Variants in LARP1B observed in about 807,000 individuals in gnomAD.
LARP1B encodes the protein la-related protein 1B.
In LARP1B, 76 loss-of-function variants were observed where a neutral mutation model predicts 114.2. The observed-to-expected ratio is 0.67, with a 90% CI of 0.55 to 0.81. LARP1B has a LOEUF of 0.81. LARP1B is among the 30% of genes least tolerant of loss of function. LARP1B has a pLI of 0.00. For synonymous variants in LARP1B, 345 were observed against 348.0 expected (o/e 0.99, Z 0.10); for missense variants, 1,014 against 1,075.8 (o/e 0.94, Z 0.80).
At chr4:128,098,486 A>T (rs919325729) in intron 8 of LARP1B, among the ~76,000 whole-genome samples, 156 bp downstream of exon 8, 1 of 151,874 alleles carries the variant, frequency 6.6e-6, no homozygotes, top group Admixed American at 6.6e-5. Context: ...TAAAACCTTC[A>T]TAAATGTCTA....
rs142360155 is a variant in LARP1B, at chr4:128,122,082, G to A, written c.1418G>A (p.Arg473Gln). ...GGDRTGTHMS[R>Q]AKITSELAKV... ...GATCGAACAGGCACCCACATGTCTC[G>A]GGCAAAAATCACATCTGAACTTGCT... is the stretch of plus-strand genomic sequence containing the variant. The change falls in exon 11 of 20, where the codon CGG (arginine) becomes CAG (glutamine). Residue 473 changes from arginine to glutamine, a missense_variant. Coordinates refer to ENST00000326639, the MANE Select transcript of LARP1B (RefSeq NM_018078.4). 6 of 1,613,874 alleles carry A rather than the reference G, an allele frequency of 3.7e-6. No homozygotes were observed. Among genetic ancestry groups the A allele is most frequent in the South Asian group, 1.1e-5 (1 of 91,050 alleles).
In LARP1B at chr4:128,211,558, A is replaced by G. The variant is rs549304086; in HGVS notation, c.*1505A>G. ...TCAAATTTGAATATTCAGAAAATAA[A>G]TTTATTTAGATATATTGTAAAGAGG... is the stretch of plus-strand genomic sequence containing the variant. On this transcript the variant is annotated 3_prime_UTR_variant, in exon 20 of 20. Transcript: ENST00000326639. 2.2e-6 allele frequency: 2 copies of G among 926,302 alleles called. No homozygotes were observed. Among genetic ancestry groups the G allele is most frequent in the Admixed American group, 1.2e-4 (2 of 16,198 alleles). The allele number at this position is 926,302 out of a possible 1,614,324, so 57.4% of individuals were successfully genotyped here. A position where few individuals can be genotyped will look rare whatever the true frequency, so the allele number is the denominator to read the frequency against.
At chr4:128,077,612 T>C (rs1453692618) in intron 3 of LARP1B, among the ~76,000 whole-genome samples, 176 bp from the exon 4 acceptor site, 2 of 151,096 alleles carry the variant, frequency 1.3e-5, no homozygotes, top group Non-Finnish European at 3.0e-5. Context: ...TAGCAAATAC[T>C]TTCTCCTAGT....
At chr4:128,204,507 TAGCC>T (rs1047660863) in intron 17 of LARP1B, among the ~76,000 whole-genome samples, 2 of 151,468 alleles carry the variant, frequency 1.3e-5, no homozygotes, top group African/African-American at 4.9e-5. Context: ...ATACAAAAAT[TAGCC>T]AGACGTGGTG....
intron 17 of LARP1B, among the ~76,000 whole-genome samples, chr4:128,206,009 G>A (rs974718013): frequency 9.9e-5 from 15 of 152,098 alleles, no homozygotes; most frequent in Admixed American, 8.5e-4. Flanking sequence ...TCTGCATACC[G>A]GCCGGGCGCA....
intron 11 of LARP1B, chr4:128,155,613 C>T (rs1420708546): frequency 6.0e-6 from 7 of 1,168,836 alleles, no homozygotes; most frequent in Admixed American, 5.1e-5. Flanking sequence ...AGTCCAGCCC[C>T]CTACAACCCC....
rs80152930 is a variant in LARP1B at position 128,072,435 on chromosome 4, G to A, written c.-77-2025G>A. 1.1e-3 allele frequency among the ~76,000 whole-genome samples: 173 copies of A among 152,200 alleles called. 2 individuals are homozygous for A. In the East Asian group the frequency reaches 0.03, roughly 27 times the overall value. The stretch of plus-strand genomic sequence containing the variant: ...TAAATTTAAAACAATTTCCTCAACT[G>A]GCTTGCTATTTCAGTCTTAGGTGTT... On this transcript the variant is annotated intron_variant, in intron 1 of 19. Coordinates refer to ENST00000326639, the MANE Select transcript of LARP1B (RefSeq NM_018078.4).
chr4:128,119,899 C>G (rs543530168), intron 10 of LARP1B, among the ~76,000 whole-genome samples: 1 of 152,050 alleles, frequency 6.6e-6, no homozygotes, highest in Non-Finnish European at 1.5e-5. Context: ...ATCTTCAACC[C>G]CTAATCTCTT....
chr4:128,205,127 T>A (rs1459788250), intron 17 of LARP1B, among the ~76,000 whole-genome samples: 4 of 152,240 alleles, frequency 2.6e-5, no homozygotes, highest in Admixed American at 2.6e-4. Flanking sequence ...CAGGTTGCTG[T>A]ATAAGTGTGT....
intron 15 of LARP1B, among the ~76,000 whole-genome samples, chr4:128,197,571 G>A (rs908866198): frequency 6.6e-6 from 1 of 152,088 alleles, no homozygotes; most frequent in Admixed American, 6.6e-5. Flanking sequence ...GCAGGTGCCT[G>A]TAGTCCCAGC....
At chr4:128,083,349 G>T (rs975810974) in intron 5 of LARP1B, among the ~76,000 whole-genome samples, 33 of 152,188 alleles carry the variant, frequency 2.2e-4, no homozygotes, top group Admixed American at 1.7e-3. Flanking sequence ...CCCAGACGGG[G>T]TGGTGGCCGG....
chr4:128,065,348 T>C (rs1261670860), intron 1 of LARP1B, among the ~76,000 whole-genome samples: 4 of 143,076 alleles, frequency 2.8e-5, no homozygotes, highest in African/African-American at 8.0e-5. Context: ...TTCTTTTCTT[T>C]TCTTTTCTTT....
chr4:128,222,456 G>A (rs867210085), exon 8 of LARP1B: 6 of 437,674 alleles, frequency 1.4e-5, no homozygotes, highest in African/African-American at 6.0e-5. Context: ...CACTCCAGTC[G>A]CCGCCCCACC....
At chr4:128,094,396 TTTTC>T (rs1218622151) in intron 7 of LARP1B, among the ~76,000 whole-genome samples, 1 of 149,930 alleles carries the variant, frequency 6.7e-6, no homozygotes, top group Non-Finnish European at 1.5e-5. Flanking sequence ...TTCTTTTTCT[TTTTC>T]TTTTTTTTTT....
chr4:128,222,314 G>GT (rs1434298985), intron 7 of LARP1B: 5 of 456,382 alleles, frequency 1.1e-5, no homozygotes, highest in South Asian at 3.1e-5. Flanking sequence ...CTTTCCCTTT[G>GT]TTTTTTAACA....
At chr4:128,108,349 T>TG (rs1211239811) in intron 9 of LARP1B, 2 of 994,922 alleles carry the variant, frequency 2.0e-6, no homozygotes, top group Non-Finnish European at 1.2e-6. Context: ...TGCCTTTCAG[T>TG]GTAGTGTACA....
intron 10 of LARP1B, among the ~76,000 whole-genome samples, chr4:128,115,818 A>G (rs1247863223): frequency 1.3e-5 from 2 of 152,020 alleles, no homozygotes; most frequent in African/African-American, 2.4e-5. Context: ...ACCATGCCCA[A>G]CTATTTTTTT....
At chr4:128,113,432 T>TGCGGATTCAAGCAATTCTCTGCCTC (rs1784785975) in intron 9 of LARP1B, among the ~76,000 whole-genome samples, 1 of 151,302 alleles carries the variant, frequency 6.6e-6, no homozygotes, top group African/African-American at 2.4e-5. Flanking sequence ...ACCTCTGCCT[T>TGCGGATTCAAGCAATTCTCTGCCTC]GCGGATTCAA....
chr4:128,219,967 C>A (rs1759874641), intron 6 of LARP1B, among the ~76,000 whole-genome samples: 1 of 152,126 alleles, frequency 6.6e-6, no homozygotes, highest in Non-Finnish European at 1.5e-5. Flanking sequence ...CTCACTGTAA[C>A]CTCTGTCTAC....
Sources: gnomAD v4.1 joint callset for allele counts (sites outside exome capture counted in the v4.1 genomes callset) on GRCh38, gnomAD v4.1.1 for gene constraint, MANE v1.5 for transcripts, NCBI Gene and HGNC (gene_info 2026-07-23, HGNC 2026-07-21) for gene names.